Variants in RBFOX1 observed in about 807,000 individuals in gnomAD.
RBFOX1 encodes the protein RNA binding protein fox-1 homolog 1.
A neutral mutation model predicts 57.7 loss-of-function variants in RBFOX1; 8 were observed. That is an observed-to-expected ratio of 0.14 (90% CI 0.08 to 0.25). The LOEUF is 0.25. RBFOX1 is among the 10% of genes least tolerant of loss of function. The probability of loss-of-function intolerance (pLI) is 1.00; values close to 1 mark genes in which losing one functional copy is unlikely to be tolerated. For synonymous variants in RBFOX1, 326 were observed against 222.4 expected, an observed-to-expected ratio of 1.47 and a Z score of -4.15; for missense variants, 611 against 548.5, an observed-to-expected ratio of 1.11 and a Z score of -1.14.
chr16:5,909,733 T>C (rs2058563615), intron 4 of RBFOX1, among the ~76,000 whole-genome samples: 1 of 152,162 alleles, frequency 6.6e-6, no homozygotes, highest in African/African-American at 2.4e-5. Context: ...AGCCCAGCCC[T>C]GGTAAGATGT....
chr16:6,040,986 G>A (rs148636018), intron 1 of RBFOX1, among the ~76,000 whole-genome samples: 9 of 152,054 alleles, frequency 5.9e-5, no homozygotes, highest in South Asian at 4.1e-4. Flanking sequence ...GGTTGCTTCC[G>A]TGTTTTAGCT....
intron 2 of RBFOX1, among the ~76,000 whole-genome samples, chr16:6,554,028 G>C (rs1599666856): frequency 6.7e-6 from 1 of 150,000 alleles, no homozygotes; most frequent in African/African-American, 2.5e-5. Context: ...AATGTGTTTT[G>C]AAAGTATGAA....
At chr16:6,837,879 A>G (rs2093212421) in intron 3 of RBFOX1, among the ~76,000 whole-genome samples, 1 of 152,150 alleles carries the variant, frequency 6.6e-6, no homozygotes, top group Admixed American at 6.5e-5. Flanking sequence ...GAGGCACTGA[A>G]AGCATGCCCA....
intron 2 of RBFOX1, among the ~76,000 whole-genome samples, chr16:5,553,784 T>C (rs1217384228): frequency 6.6e-6 from 1 of 150,686 alleles, no homozygotes; most frequent in Non-Finnish European, 1.5e-5. Context: ...TACCACAATA[T>C]TGAAAAAACA....
intron 2 of RBFOX1, among the ~76,000 whole-genome samples, chr16:6,617,178 A>C (rs986818178): frequency 1.3e-5 from 2 of 151,962 alleles, no homozygotes; most frequent in African/African-American, 2.4e-5. Flanking sequence ...GCACTTGTCC[A>C]CCTTGATCTC....
intron 1 of RBFOX1, among the ~76,000 whole-genome samples, chr16:5,440,123 A>C (rs1039442072): frequency 2.6e-5 from 4 of 152,238 alleles, no homozygotes; most frequent in Non-Finnish European, 5.9e-5. Context: ...TGACTATATC[A>C]GTGGGATAAT....
intron 4 of RBFOX1, among the ~76,000 whole-genome samples, chr16:7,236,808 G>A (rs952453037): frequency 1.3e-5 from 2 of 152,152 alleles, no homozygotes; most frequent in Non-Finnish European, 2.9e-5. Flanking sequence ...TTGTGCCTGG[G>A]TTTGTCAACA....
intron 4 of RBFOX1, among the ~76,000 whole-genome samples, chr16:7,057,976 C>A (rs1322760130): frequency 7.1e-6 from 1 of 140,188 alleles, no homozygotes; most frequent in Non-Finnish European, 1.5e-5. Flanking sequence ...CCACTGCACT[C>A]CAGTCTGGTC....
chr16:6,238,032 A>C (rs2097519596), intron 1 of RBFOX1, among the ~76,000 whole-genome samples: 1 of 149,400 alleles, frequency 6.7e-6, no homozygotes, highest in South Asian at 2.2e-4. Flanking sequence ...CAGAGATTGC[A>C]GTAAGCTGAA....
intron 1 of RBFOX1, among the ~76,000 whole-genome samples, chr16:6,105,980 A>G (rs1388773141): frequency 6.6e-6 from 1 of 151,784 alleles, no homozygotes; most frequent in Non-Finnish European, 1.5e-5. Context: ...AGCTCTTTAC[A>G]CTAATATTGC....
At chr16:7,146,128 T>C (rs1273782686) in intron 4 of RBFOX1, among the ~76,000 whole-genome samples, 1 of 152,156 alleles carries the variant, frequency 6.6e-6, no homozygotes, top group Non-Finnish European at 1.5e-5. Flanking sequence ...TTGTCTAGGT[T>C]AAGGGATGAG....
chr16:5,542,043 A>G (rs1409020493), intron 2 of RBFOX1, among the ~76,000 whole-genome samples: 2 of 151,956 alleles, frequency 1.3e-5, no homozygotes, highest in Non-Finnish European at 2.9e-5. Context: ...ATATATACTG[A>G]TTTTCTTTAA....
intron 3 of RBFOX1, among the ~76,000 whole-genome samples, chr16:5,789,708 G>A (rs777760459): frequency 6.6e-6 from 1 of 152,144 alleles, no homozygotes; most frequent in Non-Finnish European, 1.5e-5. Flanking sequence ...TAAGAAGATA[G>A]AAGCTCAAAA....
At chr16:5,585,197 C>G (rs1044476635) in intron 2 of RBFOX1, among the ~76,000 whole-genome samples, 4 of 152,156 alleles carry the variant, frequency 2.6e-5, no homozygotes, top group African/African-American at 9.7e-5. Context: ...CTGGAAATCA[C>G]TAATCTGTTT....
At chr16:7,074,715 A>G (rs1365439434) in intron 4 of RBFOX1, among the ~76,000 whole-genome samples, 1 of 152,220 alleles carries the variant, frequency 6.6e-6, no homozygotes, top group Non-Finnish European at 1.5e-5. Flanking sequence ...CTTATACTCC[A>G]GAGAGCATGG....
rs148135115 is a variant in RBFOX1 at position 5,280,273 on chromosome 16, C to T, written c.219+40168C>T. The stretch of plus-strand genomic sequence containing the variant: ...TGTATGTTGAGCCATGTTTGCATTC[C>T]TGGGATAAATCCCACTTGATCATGG... On this transcript the variant is annotated intron_variant, in intron 1 of 2. Coordinates refer to the RBFOX1 transcript ENST00000585867. Among the ~76,000 whole-genome samples the T allele has an allele frequency of 2.0e-5, 3 of 152,142 alleles. No individual in the cohort carries two copies. The South Asian group carries it at 6.2e-4, about 31-fold the overall frequency.
chr16:6,443,492 C>G (rs2094427618), intron 2 of RBFOX1, among the ~76,000 whole-genome samples: 1 of 152,166 alleles, frequency 6.6e-6, no homozygotes, highest in Non-Finnish European at 1.5e-5. Context: ...CTCTAGTACA[C>G]AAGGACCTTC....
At chr16:6,164,247 G>C (rs1003463541) in intron 1 of RBFOX1, among the ~76,000 whole-genome samples, 4 of 151,936 alleles carry the variant, frequency 2.6e-5, no homozygotes, top group African/African-American at 9.7e-5. Flanking sequence ...CTGTATCTTT[G>C]AATTATATGT....
At chr16:7,464,916 C>T (rs1439207945) in intron 4 of RBFOX1, among the ~76,000 whole-genome samples, 1 of 151,908 alleles carries the variant, frequency 6.6e-6, no homozygotes, top group Non-Finnish European at 1.5e-5. Flanking sequence ...CCAGGATGGT[C>T]TCCATTTCTT....
Sources: allele counts gnomAD v4.1 joint callset (sites outside exome capture counted in the v4.1 genomes callset), GRCh38; gene constraint gnomAD v4.1.1; transcripts MANE v1.5; gene names NCBI Gene and HGNC (gene_info 2026-07-23, HGNC 2026-07-21).